NDST3: variants seen among roughly 807,000 people sequenced by gnomAD.
NDST3 encodes the protein bifunctional heparan sulfate N-deacetylase/N-sulfotransferase 3.
NDST3 carries 58 observed loss-of-function variants against 96.1 expected under a neutral mutation model. The observed-to-expected ratio is 0.60, with a 90% CI of 0.49 to 0.75. The LOEUF is 0.75. NDST3 is among the 30% of genes least tolerant of loss of function. The pLI, the probability that NDST3 is intolerant of heterozygous loss-of-function variation, is 0.00. For missense variants in NDST3, 788 were observed against 1,034.2 expected (o/e 0.76, Z 3.27); for synonymous variants, 333 against 359.7 (o/e 0.93, Z 0.84).
At chr4:118,146,344 T>C (rs191162429) in intron 6 of NDST3, among the ~76,000 whole-genome samples, 1 of 152,222 alleles carries the variant, frequency 6.6e-6, no homozygotes, top group Non-Finnish European at 1.5e-5. Context: ...AAAAGATAGA[T>C]GTGTATTGGA....
intron 6 of NDST3, among the ~76,000 whole-genome samples, chr4:118,190,934 A>G (rs1265274634): frequency 6.6e-6 from 1 of 152,226 alleles, no homozygotes; most frequent in African/African-American, 2.4e-5. Flanking sequence ...TCACATACGC[A>G]TAATACATAT....
intron 6 of NDST3, among the ~76,000 whole-genome samples, chr4:118,198,333 G>T (rs188487272): frequency 7.4e-4 from 113 of 152,002 alleles, no homozygotes; most frequent in Non-Finnish European, 1.4e-3. Context: ...TCCATTGTAT[G>T]TTTTTTGATT....
chr4:118,143,434 C>A lies in NDST3; in HGVS notation c.1411-122C>A, dbSNP rs531756725. 37 of 923,048 alleles carry A rather than the reference C, an allele frequency of 4.0e-5. 1 individual carries two copies. The South Asian group carries it at 5.3e-4, about 13-fold the overall frequency. 57.2% of individuals were successfully genotyped at this position (923,048 alleles called of 1,614,324 possible). A position where few individuals can be genotyped will look rare whatever the true frequency, so the allele number is the denominator to read the frequency against. On this transcript the variant is annotated intron_variant, in intron 5 of 13. Transcript: ENST00000296499. ...CCTAGAGTATGATAGATTGTCCAGG[C>A]CCTGGTTAGACCTGAATAATTCACT...
chr4:118,232,578 T>C (rs879803690), intron 8 of NDST3, among the ~76,000 whole-genome samples: 4 of 149,888 alleles, frequency 2.7e-5, no homozygotes, highest in Non-Finnish European at 4.4e-5. Context: ...GTCAAGGTTG[T>C]AGTGAGCCAT....
At position 118,167,193 on chromosome 4, in the gene NDST3, C is replaced by A. The variant is rs186150445; in HGVS notation, c.1539+23509C>A. 3.1e-3 allele frequency among the ~76,000 whole-genome samples: 475 copies of A among 151,830 alleles called. 2 individuals carry two copies. Among genetic ancestry groups the A allele is most frequent in the African/African-American group, 1.0e-2 (414 of 41,488 alleles). The stretch of plus-strand genomic sequence containing the variant: ...GCAGGCACACATGCATGCACACACA[C>A]AAAAACAACTGTTAGAATTAACAGT... On this transcript the variant is annotated intron_variant, in intron 6 of 13. Transcript: ENST00000296499.
At chr4:118,221,251 A>G (rs1739523180) in intron 6 of NDST3, among the ~76,000 whole-genome samples, 1 of 151,908 alleles carries the variant, frequency 6.6e-6, no homozygotes, top group African/African-American at 2.4e-5. Context: ...CTGAATTCTG[A>G]CTCTTTTCAT....
At chr4:118,221,472 T>C (rs1422459383) in intron 6 of NDST3, among the ~76,000 whole-genome samples, 1 of 152,048 alleles carries the variant, frequency 6.6e-6, no homozygotes, top group Non-Finnish European at 1.5e-5. Flanking sequence ...AGAAAGAGAA[T>C]ACTTACTGCA....
chr4:118,253,782 T>C (rs1741925189), intron 13 of NDST3, among the ~76,000 whole-genome samples, 181 bp downstream of exon 13: 1 of 152,206 alleles, frequency 6.6e-6, no homozygotes. Context: ...TTATTACCTG[T>C]CATGCAAGAA....
At position 118,085,950 on chromosome 4, in the gene NDST3, G is replaced by A. The variant is rs115523848; in HGVS notation, c.982-19068G>A. Among the ~76,000 whole-genome samples, 924 of 152,212 alleles carry A rather than the reference G, an allele frequency of 6.1e-3. 19 individuals carry two copies. Among genetic ancestry groups the A allele is most frequent in the African/African-American group, 0.021 (877 of 41,532 alleles). On this transcript the variant is annotated intron_variant, in intron 2 of 13. Coordinates refer to ENST00000296499, the MANE Select transcript of NDST3 (RefSeq NM_004784.3). ...TGCTGCCTAGCTACATGGTCATGTC[G>A]TTACTTCGCATTTATCTGGAATCCT... is the stretch of plus-strand genomic sequence containing the variant.
chr4:118,091,061 C>CAA (rs546381851), intron 2 of NDST3, among the ~76,000 whole-genome samples: 1 of 136,998 alleles, frequency 7.3e-6, no homozygotes, highest in Non-Finnish European at 1.6e-5. Context: ...GACTCCATCT[C>CAA]AAAAAAAAAA....
chr4:118,071,223 G>A (rs1371494386), intron 2 of NDST3, among the ~76,000 whole-genome samples: 2 of 151,752 alleles, frequency 1.3e-5, no homozygotes, highest in African/African-American at 2.4e-5. Flanking sequence ...ATTTATAATC[G>A]TTGACCTCAA....
intron 1 of NDST3, among the ~76,000 whole-genome samples, chr4:118,044,632 CT>C (rs1438681291): frequency 3.9e-5 from 6 of 152,214 alleles, no homozygotes; most frequent in Non-Finnish European, 8.8e-5. Context: ...TGTTATCCCC[CT>C]AATCAAGAAA....
intron 4 of NDST3, among the ~76,000 whole-genome samples, chr4:118,135,536 A>C (rs1733005205): frequency 6.6e-6 from 1 of 152,194 alleles, no homozygotes; most frequent in Non-Finnish European, 1.5e-5. Flanking sequence ...ATTACCTCTG[A>C]ACCCCTTTGA....
chr4:118,143,813 TA>T, intron 6 of NDST3, 129 bp downstream of exon 6: 1 of 964,494 alleles, frequency 1.0e-6, no homozygotes, highest in African/African-American at 1.7e-5. Flanking sequence ...GAAACAGTAG[TA>T]AAAACTAAAT....
chr4:118,037,470 G>A (rs1362585298), intron 1 of NDST3, among the ~76,000 whole-genome samples: 1 of 152,172 alleles, frequency 6.6e-6, no homozygotes, highest in Non-Finnish European at 1.5e-5. Context: ...TGCTGAAGCT[G>A]GTATGCAGTT....
chr4:118,168,706 G>C (rs1236823617), intron 6 of NDST3, among the ~76,000 whole-genome samples: 1 of 152,100 alleles, frequency 6.6e-6, no homozygotes. Flanking sequence ...ACACAGCCAA[G>C]ATGAGGAAAC....
At chr4:118,097,912 TG>T (rs1178755942) in intron 2 of NDST3, among the ~76,000 whole-genome samples, 1 of 151,910 alleles carries the variant, frequency 6.6e-6, no homozygotes, top group Non-Finnish European at 1.5e-5. Context: ...CGCTGGGTTT[TG>T]GGAATGCAGC....
chr4:118,112,388 G>T (rs1730709832), intron 3 of NDST3, among the ~76,000 whole-genome samples: 1 of 152,230 alleles, frequency 6.6e-6, no homozygotes, highest in South Asian at 2.1e-4. Flanking sequence ...CTTAAAAGCA[G>T]TGGGAGAGGA....
At chr4:118,143,832 C>A in intron 6 of NDST3, 148 bp downstream of exon 6, 1 of 803,764 alleles carries the variant, frequency 1.2e-6, no homozygotes, top group Non-Finnish European at 1.8e-6. Context: ...AATGGAACCA[C>A]ATCTAGAAAT....
Sources: gnomAD v4.1 joint callset for allele counts (sites outside exome capture counted in the v4.1 genomes callset) on GRCh38, gnomAD v4.1.1 for gene constraint, MANE v1.5 for transcripts, NCBI Gene and HGNC (gene_info 2026-07-23, HGNC 2026-07-21) for gene names.